The following GUCY2D variants were observed in gnomAD, a reference collection of about 807,000 sequenced individuals.
GUCY2D encodes the protein guanylate cyclase 2D, retinal, also known as retinal guanylyl cyclase 1.
In GUCY2D, 70 loss-of-function variants were observed where a neutral mutation model predicts 101.3. The ratio of observed to expected loss-of-function variants is 0.69; its 90% CI spans 0.57 to 0.84. The LOEUF is 0.84. Among genes scored for constraint, GUCY2D ranks in the 40% least tolerant of loss-of-function variants. The pLI is 0.00. For missense variants in GUCY2D, 1,460 were observed against 1,542.5 expected, an observed-to-expected ratio of 0.95 and a Z score of 0.90; for synonymous variants, 688 against 670.7, an observed-to-expected ratio of 1.03 and a Z score of -0.40.
At chr17:8,008,255 A>T (rs929937872) in intron 7 of GUCY2D, among the ~76,000 whole-genome samples, 1 of 152,194 alleles carries the variant, frequency 6.6e-6, no homozygotes, top group African/African-American at 2.4e-5. Flanking sequence ...TCTAGCCACT[A>T]TCTGGGTAAG....
chr17:8,006,797 T>C (rs1211209148), intron 4 of GUCY2D, 83 bp downstream of exon 4: 1 of 1,234,942 alleles, frequency 8.1e-7, no homozygotes, highest in Non-Finnish European at 1.2e-6. Flanking sequence ...ACTCCTATCC[T>C]GTAATCCGTC....
chr17:8,013,587 C>G lies in GUCY2D; in HGVS notation c.2264-293C>G. The G allele has an allele frequency of 1.7e-6, 1 of 577,580 alleles. No homozygotes were observed. The allele number at this position is 577,580 out of a possible 1,614,324, so 35.8% of individuals were successfully genotyped here. On this transcript the variant is annotated intron_variant, in intron 11 of 19. Transcript: ENST00000254854. The surrounding 1 kb of genome is among the most constrained non-coding windows in gnomAD (Gnocchi z 5.0). ...GTGGGTGCATCCCTTCTGCACAGGA[C>G]TCTGAGCAAACTACTTGATCACCTA...
rs762771301 is a variant in GUCY2D at position 8,006,639 on chromosome 17, C to T, written c.1303C>T (p.His435Tyr). Reference sequence around the variant, plus strand: ...CTTCCTCTCCGCCGGTACCCGGATGCACTTCCCGCGTGGGGGATCAGCACC... The same window carrying T: ...CTTCCTCTCCGCCGGTACCCGGATGTACTTCCCGCGTGGGGGATCAGCACC... ...GSFLSAGTRM[H>Y]FPRGGSAPGP... Residue 435 changes from histidine to tyrosine, a missense_variant, in exon 4 of 20, where the codon CAC (histidine) becomes TAC (tyrosine). Physicochemically the swap from His to Tyr is moderately conservative, Grantham distance 83 (BLOSUM62 2). Transcript: ENST00000254854. The T allele has an allele frequency of 6.2e-7, 1 of 1,612,810 alleles. No homozygotes were observed. The highest frequency in any genetic ancestry group is 8.5e-7 in the Non-Finnish European group (1 of 1,179,512).
chr17:8,013,403 C>A lies in GUCY2D; in HGVS notation c.2263+151C>A. 2.5e-6 allele frequency: 2 copies of A among 809,440 alleles called. No homozygotes were observed. Among genetic ancestry groups the A allele is most frequent in the Admixed American group, 2.0e-5 (1 of 49,350 alleles). 50.1% of individuals were successfully genotyped at this position (809,440 alleles called of 1,614,324 possible). On this transcript the variant is annotated intron_variant, in intron 11 of 19. Coordinates refer to ENST00000254854, the MANE Select transcript of GUCY2D (RefSeq NM_000180.4). The surrounding 1 kb of genome is among the most constrained non-coding windows in gnomAD (Gnocchi z 5.0). Reference sequence around the variant, plus strand: ...AAGCTGGCATCTGCAGGTCTGGGTGCAGAAAGCCGTGCATGGCCAGGGTGG... The same window carrying A: ...AAGCTGGCATCTGCAGGTCTGGGTGAAGAAAGCCGTGCATGGCCAGGGTGG...
chr17:8,003,595 G>C lies in GUCY2D; in HGVS notation c.548G>C (p.Arg183Pro). 1 of 1,586,864 alleles carries C rather than the reference G, an allele frequency of 6.3e-7. No individual in the cohort carries two copies. The highest frequency in any genetic ancestry group is 1.3e-5 in the African/African-American group (1 of 74,758). Residue 183 changes from arginine (R) to proline (P), a missense_variant, in exon 2 of 20, where the codon CGC becomes CCC. Arg to Pro is a moderately radical substitution (Grantham distance 103). This residue lies in a region of GUCY2D where 1,196 missense variants were observed against 1,229.6 expected (regional missense o/e 0.97). Transcript: ENST00000254854. ...YALLRAFGWA[R>P]VALVTAPQDL... is the part of the protein sequence containing the mutation. ...CTGCTTCGCGCATTCGGCTGGGCGC[G>C]CGTGGCCCTGGTCACCGCCCCCCAG... is the stretch of plus-strand genomic sequence containing the variant.
At chr17:8,017,704 T>C (rs1976003584) in intron 19 of GUCY2D, among the ~76,000 whole-genome samples, 1 of 152,150 alleles carries the variant, frequency 6.6e-6, no homozygotes, top group Non-Finnish European at 1.5e-5. Context: ...AATTTTTTCT[T>C]TTTTTTTGAG....
chr17:8,007,965 G>T lies in GUCY2D; in HGVS notation c.1601G>T (p.Arg534Leu), dbSNP rs530209613. The T allele has an allele frequency of 1.8e-5, 29 of 1,613,612 alleles. No homozygotes were observed. In the South Asian group the frequency reaches 3.1e-4, roughly 17 times the overall value. ...GGGAGTCGATCAAGTCTGGGTGCCC[G>T]CAGCATGTCAGACATTCGCAGCGGC... ...AQGSRSSLGA[R>L]SMSDIRSGPS... is the part of the protein sequence containing the mutation. Residue 534 changes from arginine (R) to leucine (L), a missense_variant, in exon 7 of 20, where the codon CGC becomes CTC. This residue lies in a region of GUCY2D where 1,196 missense variants were observed against 1,229.6 expected (regional missense o/e 0.97). Coordinates refer to ENST00000254854, the MANE Select transcript of GUCY2D (RefSeq NM_000180.4).
intron 19 of GUCY2D, among the ~76,000 whole-genome samples, chr17:8,018,974 A>T (rs1433113756): frequency 6.6e-6 from 1 of 152,198 alleles, no homozygotes; most frequent in Non-Finnish European, 1.5e-5. Context: ...TGATGTTGCT[A>T]CAGAGAGCAA....
intron 19 of GUCY2D, chr17:8,016,793 C>G (rs550996386): frequency 1.5e-5 from 8 of 531,936 alleles, no homozygotes; most frequent in Non-Finnish European, 3.4e-6. Context: ...TGTGGCCCCT[C>G]CCCTGGCCCT....
At position 8,008,001 on chromosome 17, in the gene GUCY2D, A is replaced by G. The variant is rs1975779290; in HGVS notation, c.1637A>G (p.His546Arg). The change falls in exon 7 of 20, where the codon CAC becomes CGC. Residue 546 changes from histidine (H) to arginine (R), a missense_variant. Physicochemically the swap from His to Arg is conservative, Grantham distance 29. This residue lies in a region of GUCY2D where 1,196 missense variants were observed against 1,229.6 expected (regional missense o/e 0.97). Transcript: ENST00000254854. Reference sequence around the variant, plus strand: ...GACATTCGCAGCGGCCCCAGCCAACACTTGGACAGCCCCAACATTGGTGTC... The same window carrying G: ...GACATTCGCAGCGGCCCCAGCCAACGCTTGGACAGCCCCAACATTGGTGTC... ...MSDIRSGPSQ[H>R]LDSPNIGVYE... 3 of 1,613,054 alleles carry G rather than the reference A, an allele frequency of 1.9e-6. No individual in the cohort carries two copies. Among genetic ancestry groups the G allele is most frequent in the South Asian group, 1.1e-5 (1 of 90,984 alleles).
Position 8,002,828 on chromosome 17 carries a change from C to A in GUCY2D, c.-10+94C>A, listed in dbSNP as rs1181183905. On this transcript the variant is annotated intron_variant, in intron 1 of 19. Coordinates refer to ENST00000254854, the MANE Select transcript of GUCY2D (RefSeq NM_000180.4). This position sits in a 1 kb window ranked among gnomAD's most constrained non-coding sequence, Gnocchi z 4.9. ...CTGACGCCTCCGACGGGGGGAGGGG[C>A]AGGCCGGGTGGGAGCGGGAAGCCGG... 7.6e-6 allele frequency: 4 copies of A among 528,380 alleles called. No individual in the cohort carries two copies. Among genetic ancestry groups the A allele is most frequent in the Non-Finnish European group, 1.3e-5 (4 of 301,732 alleles). 32.7% of individuals were successfully genotyped at this position (528,380 alleles called of 1,614,324 possible).
rs1349409262 is a variant in GUCY2D, at chr17:8,003,467, C to T, written c.420C>T (p.Ala140=). Residue 140 remains alanine (A), a synonymous_variant, in exon 2 of 20, where the codon GCC becomes GCT. Coordinates refer to ENST00000254854, the MANE Select transcript of GUCY2D (RefSeq NM_000180.4). The part of the protein sequence containing the change: ...PAACRPAELL[A]EEAGIALVPW... ...CCTGCCGGCCAGCCGAGCTGCTCGCCGAAGAAGCCGGGATCGCGCTGGTGC... is the reference window on the plus strand; with the variant it reads ...CCTGCCGGCCAGCCGAGCTGCTCGCTGAAGAAGCCGGGATCGCGCTGGTGC... 5 of 1,522,382 alleles carry T rather than the reference C, an allele frequency of 3.3e-6. No homozygotes were observed. The East Asian group carries it at 7.6e-5, about 23-fold the overall frequency. 94.3% of individuals were successfully genotyped at this position (1,522,382 alleles called of 1,614,324 possible). A position where few individuals can be genotyped will look rare whatever the true frequency, so the allele number is the denominator to read the frequency against.
chr17:8,016,868 G>C, intron 19 of GUCY2D: 3 of 300,866 alleles, frequency 1.0e-5, no homozygotes, highest in South Asian at 4.6e-5. Flanking sequence ...CTGCACAAGA[G>C]ACAACTCTAG....
intron 8 of GUCY2D, among the ~76,000 whole-genome samples, chr17:8,009,908 T>C (rs796435941): frequency 6.6e-6 from 1 of 151,694 alleles, no homozygotes; most frequent in East Asian, 1.9e-4. Context: ...AGCCTGGGAG[T>C]TGGAGGTTAC....
chr17:8,013,164 G>A lies in GUCY2D; in HGVS notation c.2175G>A (p.Leu725=). 1 of 1,613,972 alleles carries A rather than the reference G, an allele frequency of 6.2e-7. No individual in the cohort carries two copies. The highest frequency in any genetic ancestry group is 8.5e-7 in the Non-Finnish European group (1 of 1,179,940). Residue 725 remains leucine (L), a synonymous_variant, in exon 11 of 20, where the codon CTG becomes CTA. Coordinates refer to ENST00000254854, the MANE Select transcript of GUCY2D (RefSeq NM_000180.4). This position sits in a 1 kb window ranked among gnomAD's most constrained non-coding sequence, Gnocchi z 5.0. ...RDPALERRGT[L]AGDVFSLAII... ...CAGCCCTGGAGCGCCGGGGAACGCT[G>A]GCCGGCGACGTCTTTAGCTTGGCCA...
intron 6 of GUCY2D, 54 bp from the exon 7 acceptor site, chr17:8,007,877 G>A: frequency 8.8e-7 from 1 of 1,133,122 alleles, no homozygotes; most frequent in Non-Finnish European, 1.3e-6. Context: ...CCTCAACCCA[G>A]GACTCTGACA....
In GUCY2D at chr17:8,002,748, GC is replaced by G. The variant is rs1975648628; in HGVS notation, c.-10+18del. 2.7e-6 allele frequency: 1 copy of G among 376,544 alleles called. No homozygotes were observed. Among genetic ancestry groups the G allele is most frequent in the Non-Finnish European group, 4.8e-6 (1 of 210,070 alleles). 23.3% of individuals were successfully genotyped at this position (376,544 alleles called of 1,614,324 possible). A position where few individuals can be genotyped will look rare whatever the true frequency, so the allele number is the denominator to read the frequency against. The stretch of plus-strand genomic sequence containing the variant: ...CCGGACTTCCCTGTAAATGTCAGAG[GC>G]CCCTCCGCTGGGATAGGGTCGGTCT... On this transcript the variant is annotated intron_variant, in intron 1 of 19. Coordinates refer to ENST00000254854, the MANE Select transcript of GUCY2D (RefSeq NM_000180.4). This position sits in a 1 kb window ranked among gnomAD's most constrained non-coding sequence, Gnocchi z 4.9.
intron 7 of GUCY2D, 48 bp downstream of exon 7, chr17:8,008,080 C>A: frequency 8.3e-7 from 1 of 1,211,314 alleles, no homozygotes; most frequent in Non-Finnish European, 1.2e-6. Context: ...GAAGAATGCT[C>A]AGGCCCTGGG....
In GUCY2D at chr17:8,006,618, C is replaced by A; in HGVS notation, c.1282C>A (p.Leu428Ile). The change falls in exon 4 of 20, where the codon CTC (leucine) becomes ATC (isoleucine). Residue 428 changes from leucine (L) to isoleucine (I), a missense_variant. By Grantham distance (5) the Leu-to-Ile change is conservative. Transcript: ENST00000254854. ...GCTGGATCCTGCCCGGGGCTCCTTC[C>A]TCTCCGCCGGTACCCGGATGCACTT... The part of the protein sequence containing the change: ...YMLDPARGSF[L>I]SAGTRMHFPR... The A allele has an allele frequency of 6.2e-7, 1 of 1,612,994 alleles. No individual in the cohort carries two copies. Among genetic ancestry groups the A allele is most frequent in the East Asian group, 2.2e-5 (1 of 44,852 alleles).
Sources: gnomAD v4.1 joint callset for allele counts (sites outside exome capture counted in the v4.1 genomes callset) on GRCh38, gnomAD v4.1.1 for gene constraint, gnomAD v4.1.1 regional missense constraint, Gnocchi (gnomAD v3.1) non-coding constraint, MANE v1.5 for transcripts, NCBI Gene and HGNC (gene_info 2026-07-23, HGNC 2026-07-21) for gene names.